ATP10A: variants seen among roughly 807,000 people sequenced by gnomAD.
ATP10A encodes ATPase phospholipid transporting 10A (putative).
ATP10A carries 111 observed loss-of-function variants against 147.8 expected under a neutral mutation model. The observed-to-expected ratio is 0.75, with a 90% CI of 0.64 to 0.88. ATP10A has a LOEUF of 0.88. ATP10A is among the 40% of genes least tolerant of loss of function. The pLI is 0.00. For synonymous variants in ATP10A, 875 were observed against 841.6 expected, an observed-to-expected ratio of 1.04 and a Z score of -0.69; for missense variants, 1,927 against 1,959.0, an observed-to-expected ratio of 0.98 and a Z score of 0.31.
At chr15:25,674,366 G>A (rs796871947), downstream of ATP10A, among the ~76,000 whole-genome samples, 47 of 152,248 alleles carry the variant, frequency 3.1e-4, no homozygotes, top group African/African-American at 1.1e-3. Flanking sequence ...TGAGAAAGAC[G>A]CTTGGCACTA....
chr15:25,777,092 C>CCTGCAT (rs1307153179), intron 2 of ATP10A, among the ~76,000 whole-genome samples: 1 of 92,062 alleles, frequency 1.1e-5, no homozygotes, highest in Admixed American at 1.4e-4. Context: ...TGTGTGCATA[C>CCTGCAT]GTGCGTGTGT....
chr15:25,693,451 C>T (rs1199420904), intron 14 of ATP10A, among the ~76,000 whole-genome samples: 2 of 152,226 alleles, frequency 1.3e-5, no homozygotes, highest in East Asian at 1.9e-4. Context: ...CCAGTGGCTA[C>T]GCGGCTGAGG....
chr15:25,679,546 A>T lies in ATP10A; in HGVS notation c.4295T>A (p.Leu1432Gln). The T allele has an allele frequency of 6.2e-7, 1 of 1,612,818 alleles. No individual in the cohort carries two copies. Among genetic ancestry groups the T allele is most frequent in the Non-Finnish European group, 8.5e-7 (1 of 1,178,988 alleles). The stretch of plus-strand genomic sequence containing the variant: ...CCAGTTGAGTAAGCTGAAGGTAGGC[A>T]GGCTGAAGAGGGAAGACAGGGGGGT... ...RVTPLSSLFSLPTFSLLNWIS... is the reference protein window; with the variant it reads ...RVTPLSSLFSQPTFSLLNWIS... The change falls in exon 21 of 21, where the codon CTG becomes CAG. Residue 1432 changes from leucine (L) to glutamine (Q), a missense_variant. Coordinates refer to ENST00000555815, the MANE Select transcript of ATP10A (RefSeq NM_024490.4).
intron 1 of ATP10A, among the ~76,000 whole-genome samples, chr15:25,786,400 C>T (rs1890160305): frequency 6.6e-6 from 1 of 152,176 alleles, no homozygotes; most frequent in Non-Finnish European, 1.5e-5. Flanking sequence ...AGTGGCACAT[C>T]CATGAAGGCA....
At chr15:25,750,247 T>G (rs1267130801) in intron 2 of ATP10A, among the ~76,000 whole-genome samples, 1 of 152,014 alleles carries the variant, frequency 6.6e-6, no homozygotes, top group East Asian at 1.9e-4. Context: ...AGCAGATATT[T>G]CATTACAAAC....
chr15:25,792,169 GAT>G (rs1890457093), intron 1 of ATP10A, among the ~76,000 whole-genome samples: 1 of 152,164 alleles, frequency 6.6e-6, no homozygotes, highest in South Asian at 2.1e-4. Context: ...AATATCATTT[GAT>G]TTGGGCTTAT....
chr15:25,705,396 A>G (rs1900916136), intron 12 of ATP10A, among the ~76,000 whole-genome samples: 1 of 145,478 alleles, frequency 6.9e-6, no homozygotes, highest in Non-Finnish European at 1.5e-5. Flanking sequence ...TGATCGCACC[A>G]TTGCACTCCA....
intron 1 of ATP10A, among the ~76,000 whole-genome samples, chr15:25,832,937 T>C (rs1596972177): frequency 6.6e-6 from 1 of 152,242 alleles, no homozygotes; most frequent in East Asian, 1.9e-4. Context: ...CACAAATGTG[T>C]ATAATTGTTA....
intron 2 of ATP10A, among the ~76,000 whole-genome samples, chr15:25,773,895 G>A (rs1471915548): frequency 4.0e-5 from 6 of 151,400 alleles, no homozygotes; most frequent in East Asian, 3.9e-4. Context: ...TAACTGCGTC[G>A]ATCTCACATT....
At chr15:25,709,202 C>T (rs1360614370) in intron 10 of ATP10A, 3 of 151,982 alleles carry the variant, frequency 2.0e-5, no homozygotes, top group African/African-American at 7.2e-5. Flanking sequence ...CAGGAGGGGA[C>T]AATTGAAAAA....
chr15:25,764,523 C>G (rs967191286), intron 2 of ATP10A, among the ~76,000 whole-genome samples: 3 of 152,228 alleles, frequency 2.0e-5, no homozygotes, highest in African/African-American at 7.2e-5. Context: ...GCCTCTCTCT[C>G]TCTCTCCACC....
intron 1 of ATP10A, among the ~76,000 whole-genome samples, chr15:25,797,425 GCCCTGGC>G (rs928391510): frequency 1.5e-4 from 23 of 152,262 alleles, no homozygotes; most frequent in African/African-American, 5.5e-4. Context: ...CATGGTGGCT[GCCCTGGC>G]CCCTGGCCCC....
intron 1 of ATP10A, among the ~76,000 whole-genome samples, chr15:25,785,237 A>T (rs1890102475): frequency 6.6e-6 from 1 of 152,036 alleles, no homozygotes; most frequent in Non-Finnish European, 1.5e-5. Context: ...GAGAGGCTCT[A>T]AAGAGGATTA....
intron 1 of ATP10A, among the ~76,000 whole-genome samples, chr15:25,855,869 T>C (rs1893494933): frequency 6.6e-6 from 1 of 152,160 alleles, no homozygotes; most frequent in African/African-American, 2.4e-5. Flanking sequence ...AAGATCAACA[T>C]GTAAACATAC....
chr15:25,782,474 G>T (rs144042433), intron 1 of ATP10A, among the ~76,000 whole-genome samples: 25 of 152,174 alleles, frequency 1.6e-4, no homozygotes, highest in African/African-American at 5.5e-4. Flanking sequence ...ATTATATTTT[G>T]CATGTTTCAT....
chr15:25,700,900 C>T (rs1318296411), intron 13 of ATP10A, among the ~76,000 whole-genome samples: 1 of 151,266 alleles, frequency 6.6e-6, no homozygotes, highest in Non-Finnish European at 1.5e-5. Context: ...AGTATAAATT[C>T]GCAAACTTTC....
At chr15:25,839,050 G>A (rs2044314) in intron 1 of ATP10A, among the ~76,000 whole-genome samples, 91,325 of 151,982 alleles carry the variant, frequency 0.6, 30,694 homozygotes, top group East Asian at 0.91. Flanking sequence ...TTACAAAGGC[G>A]TGTTTACCTA....
At chr15:25,814,986 T>A (rs1344470687) in intron 1 of ATP10A, among the ~76,000 whole-genome samples, 1 of 152,162 alleles carries the variant, frequency 6.6e-6, no homozygotes, top group Non-Finnish European at 1.5e-5. Context: ...TTATGAAGAA[T>A]GTATACACAG....
intron 2 of ATP10A, among the ~76,000 whole-genome samples, chr15:25,770,020 C>A (rs930006912): frequency 2.0e-5 from 3 of 152,190 alleles, no homozygotes; most frequent in Non-Finnish European, 4.4e-5. Context: ...ACTCTGTCGG[C>A]ACCTTGATCT....
Sources: allele counts gnomAD v4.1 joint callset (sites outside exome capture counted in the v4.1 genomes callset), GRCh38; gene constraint gnomAD v4.1.1; transcripts MANE v1.5; gene names NCBI Gene and HGNC (gene_info 2026-07-23, HGNC 2026-07-21).